Variants in GPR149 observed in about 807,000 individuals in gnomAD.
GPR149 encodes the protein probable G protein-coupled receptor 149.
In GPR149, 50 loss-of-function variants were observed where a neutral mutation model predicts 50.2. The ratio of observed to expected loss-of-function variants is 1.00; its 90% CI spans 0.79 to 1.26. The LOEUF is 1.26. GPR149 is among the 50% of genes most tolerant of loss of function. The pLI, the probability that GPR149 is intolerant of heterozygous loss-of-function variation, is 0.00. For missense variants in GPR149, 983 were observed against 895.4 expected (o/e 1.10, Z -1.25); for synonymous variants, 405 against 358.2 (o/e 1.13, Z -1.48).
At chr3:154,368,982 G>A (rs369347699) in intron 3 of GPR149, among the ~76,000 whole-genome samples, 10 of 152,324 alleles carry the variant, frequency 6.6e-5, no homozygotes, top group South Asian at 2.1e-4. Context: ...GTCAATGGGC[G>A]CACAGCAGGG....
intron 3 of GPR149, among the ~76,000 whole-genome samples, chr3:154,376,180 C>T: frequency 6.6e-6 from 1 of 151,864 alleles, no homozygotes; most frequent in East Asian, 1.9e-4. Flanking sequence ...CTAGTTAATA[C>T]AAAATGTATA....
intron 3 of GPR149, chr3:154,352,045 C>A (rs1275498025): frequency 2.5e-6 from 1 of 405,284 alleles, no homozygotes; most frequent in Admixed American, 3.4e-5. Flanking sequence ...CAGACACATA[C>A]CTCAACTATC....
chr3:154,406,310 A>C (rs1355961852), intron 3 of GPR149, among the ~76,000 whole-genome samples: 4 of 152,196 alleles, frequency 2.6e-5, no homozygotes, highest in Non-Finnish European at 5.9e-5. Flanking sequence ...TCTTTCACAC[A>C]TTGCTGGTGG....
At chr3:154,411,290 A>C (rs1711825426) in intron 3 of GPR149, among the ~76,000 whole-genome samples, 1 of 152,174 alleles carries the variant, frequency 6.6e-6, no homozygotes, top group Non-Finnish European at 1.5e-5. Context: ...GGAACTGGTG[A>C]AACAAGAACA....
At chr3:154,361,047 C>T (rs1048081024) in intron 3 of GPR149, among the ~76,000 whole-genome samples, 10 of 152,178 alleles carry the variant, frequency 6.6e-5, no homozygotes, top group East Asian at 3.9e-4. Flanking sequence ...ATATAGTATA[C>T]GGAAAATTCT....
At chr3:154,363,216 T>C (rs1714455677) in intron 3 of GPR149, among the ~76,000 whole-genome samples, 1 of 152,170 alleles carries the variant, frequency 6.6e-6, no homozygotes, top group African/African-American at 2.4e-5. Context: ...AAGCATAAAA[T>C]TGACAGGAGA....
chr3:154,381,487 T>G (rs923271413), intron 3 of GPR149, among the ~76,000 whole-genome samples: 2 of 152,220 alleles, frequency 1.3e-5, no homozygotes, highest in Non-Finnish European at 1.5e-5. Context: ...AATAAGGTTT[T>G]ACTATTTTAA....
At chr3:154,353,289 T>G (rs1714131040) in intron 3 of GPR149, 1 of 1,419,440 alleles carries the variant, frequency 7.0e-7, no homozygotes, top group Non-Finnish European at 1.0e-6. Flanking sequence ...TCCAATAAGG[T>G]CAACCTGTTC....
intron 3 of GPR149, among the ~76,000 whole-genome samples, chr3:154,347,748 A>C (rs1348742387): frequency 2.0e-5 from 3 of 152,252 alleles, no homozygotes; most frequent in African/African-American, 7.2e-5. Context: ...AATCCTTTCC[A>C]TGATGCCACT....
chr3:154,374,688 CAT>C (rs201097777), intron 3 of GPR149, among the ~76,000 whole-genome samples: 2 of 151,978 alleles, frequency 1.3e-5, no homozygotes, highest in African/African-American at 4.8e-5. Flanking sequence ...GTCCAAAGGG[CAT>C]ATATATATAT....
chr3:154,425,846 A>G (rs1474165168), intron 2 of GPR149, among the ~76,000 whole-genome samples: 9 of 152,158 alleles, frequency 5.9e-5, no homozygotes, highest in Admixed American at 4.6e-4. Context: ...AGAATATTTC[A>G]TAGGTCATTT....
intron 3 of GPR149, chr3:154,353,425 C>T (rs1714135195): frequency 1.9e-6 from 2 of 1,040,510 alleles, no homozygotes; most frequent in Non-Finnish European, 1.5e-6. Context: ...ACATCTTCAA[C>T]TTGTTCATTA....
chr3:154,382,513 G>A (rs899023893), intron 3 of GPR149, among the ~76,000 whole-genome samples: 1 of 152,172 alleles, frequency 6.6e-6, no homozygotes, highest in African/African-American at 2.4e-5. Context: ...AGGGTCAAAT[G>A]TCAAATGACC....
chr3:154,354,312 C>T (rs1318283303), intron 3 of GPR149: 7 of 308,526 alleles, frequency 2.3e-5, no homozygotes, highest in Non-Finnish European at 4.4e-5. Flanking sequence ...AAGGGAAGTA[C>T]AGGTCTATAA....
chr3:154,374,374 T>C (rs1714744179), intron 3 of GPR149, among the ~76,000 whole-genome samples: 1 of 151,870 alleles, frequency 6.6e-6, no homozygotes, highest in African/African-American at 2.4e-5. Context: ...GGGTTCGCCA[T>C]GTTGGCCAGG....
chr3:154,386,881 A>AT (rs1166430028), intron 3 of GPR149, among the ~76,000 whole-genome samples: 1 of 152,192 alleles, frequency 6.6e-6, no homozygotes, highest in African/African-American at 2.4e-5. Flanking sequence ...TATTTTAAAA[A>AT]TTTTATAATA....
chr3:154,375,061 C>T (rs1051484167), intron 3 of GPR149, among the ~76,000 whole-genome samples: 1 of 152,112 alleles, frequency 6.6e-6, no homozygotes, highest in African/African-American at 2.4e-5. Flanking sequence ...ATATGAAATG[C>T]TAATTAAAGT....
At chr3:154,392,388 C>T (rs544964330) in intron 3 of GPR149, among the ~76,000 whole-genome samples, 1 of 143,420 alleles carries the variant, frequency 7.0e-6, no homozygotes, top group Non-Finnish European at 1.6e-5. Context: ...ACAAAAAAAC[C>T]CAAACAAAAA....
intron 1 of GPR149, among the ~76,000 whole-genome samples, chr3:154,428,309 T>C (rs1712367634): frequency 6.6e-6 from 1 of 152,220 alleles, no homozygotes; most frequent in Non-Finnish European, 1.5e-5. Context: ...CTCTTTCCTT[T>C]TCTGAATACT....
Sources: gnomAD v4.1 joint callset for allele counts (sites outside exome capture counted in the v4.1 genomes callset) on GRCh38, gnomAD v4.1.1 for gene constraint, MANE v1.5 for transcripts, NCBI Gene and HGNC (gene_info 2026-07-23, HGNC 2026-07-21) for gene names.